ZCCHC2: variants seen among roughly 807,000 people sequenced by gnomAD.
ZCCHC2 encodes zinc finger CCHC-type containing 2, also known as zinc finger CCHC domain-containing protein 2.
In ZCCHC2, 39 loss-of-function variants were observed where a neutral mutation model predicts 103.6. The ratio of observed to expected loss-of-function variants is 0.38; its 90% CI spans 0.29 to 0.49. ZCCHC2 has a LOEUF of 0.49. ZCCHC2 is among the 20% of genes least tolerant of loss of function. The pLI, the probability that ZCCHC2 is intolerant of heterozygous loss-of-function variation, is 0.96. For synonymous variants in ZCCHC2, 687 were observed against 608.9 expected, an observed-to-expected ratio of 1.13 and a Z score of -1.89; for missense variants, 1,483 against 1,491.0, an observed-to-expected ratio of 0.99 and a Z score of 0.09.
chr18:62,585,370 C>T (rs1917143422), exon 15 of ZCCHC2: 1 of 152,174 alleles, frequency 6.6e-6, no homozygotes, highest in Non-Finnish European at 1.5e-5. Context: ...TATAGATTGT[C>T]CCAGGTACCC....
At chr18:62,548,261 TA>T (rs1409789386) in intron 4 of ZCCHC2, among the ~76,000 whole-genome samples, 58 of 152,062 alleles carry the variant, frequency 3.8e-4, no homozygotes, top group Admixed American at 1.2e-3. Flanking sequence ...TATATATATA[TA>T]TTTTTTTTAG....
intron 12 of ZCCHC2, among the ~76,000 whole-genome samples, chr18:62,571,841 C>T (rs757482832): frequency 6.6e-6 from 1 of 150,460 alleles, no homozygotes; most frequent in Non-Finnish European, 1.5e-5. Context: ...GTTGTGGTAT[C>T]ACGCTATGTC....
At chr18:62,537,840 G>A (rs754680203) in intron 1 of ZCCHC2, among the ~76,000 whole-genome samples, 1 of 152,118 alleles carries the variant, frequency 6.6e-6, no homozygotes, top group Non-Finnish European at 1.5e-5. Flanking sequence ...TTAATATTTT[G>A]AGGAACTGCC....
At chr18:62,527,199 C>G (rs73963439) in intron 1 of ZCCHC2, among the ~76,000 whole-genome samples, 139 of 152,196 alleles carry the variant, frequency 9.1e-4, no homozygotes, top group African/African-American at 3.1e-3. Flanking sequence ...TAAGGGTATA[C>G]TGGCCCAGAA....
intron 12 of ZCCHC2, among the ~76,000 whole-genome samples, chr18:62,571,462 G>A (rs1039052503): frequency 2.0e-5 from 3 of 152,188 alleles, no homozygotes; most frequent in Admixed American, 6.5e-5. Flanking sequence ...ATAAACACTC[G>A]TCAGAGTGCT....
chr18:62,529,381 G>A (rs1914586828), intron 1 of ZCCHC2, among the ~76,000 whole-genome samples: 1 of 152,160 alleles, frequency 6.6e-6, no homozygotes. Flanking sequence ...TTGTAGCATA[G>A]TGTCTGGTTC....
intron 12 of ZCCHC2, among the ~76,000 whole-genome samples, chr18:62,573,217 A>G (rs1034791191): frequency 6.6e-6 from 1 of 152,198 alleles, no homozygotes; most frequent in Non-Finnish European, 1.5e-5. Flanking sequence ...CTACATTTTA[A>G]TGGAATGGTC....
chr18:62,526,543 G>A (rs1451786133), intron 1 of ZCCHC2, among the ~76,000 whole-genome samples: 2 of 152,290 alleles, frequency 1.3e-5, no homozygotes, highest in East Asian at 1.9e-4. Flanking sequence ...TGTCACTCCA[G>A]AGGCCGCTGA....
intron 5 of ZCCHC2, among the ~76,000 whole-genome samples, chr18:62,554,068 A>T (rs1915777011): frequency 6.6e-6 from 1 of 152,184 alleles, no homozygotes; most frequent in Non-Finnish European, 1.5e-5. Context: ...CTTCCTTTTT[A>T]AAAAAATCTT....
At chr18:62,534,794 C>A (rs923175509) in intron 1 of ZCCHC2, among the ~76,000 whole-genome samples, 3 of 152,196 alleles carry the variant, frequency 2.0e-5, no homozygotes, top group Admixed American at 6.5e-5. Context: ...AAGAGGTCAT[C>A]CCTCATACAG....
intron 4 of ZCCHC2, among the ~76,000 whole-genome samples, chr18:62,548,658 C>T (rs1290106272): frequency 6.6e-6 from 1 of 152,206 alleles, no homozygotes; most frequent in Admixed American, 6.5e-5. Flanking sequence ...TGCAGTGGCT[C>T]ACGCCTGTAA....
intron 13 of ZCCHC2, among the ~76,000 whole-genome samples, chr18:62,575,917 G>T (rs1422389560): frequency 6.6e-6 from 1 of 151,750 alleles, no homozygotes; most frequent in African/African-American, 2.4e-5. Context: ...GAAAACCTAG[G>T]AAGTAATTTA....
intron 12 of ZCCHC2, among the ~76,000 whole-genome samples, chr18:62,573,189 A>C (rs1916658347): frequency 6.6e-6 from 1 of 152,192 alleles, no homozygotes; most frequent in Non-Finnish European, 1.5e-5. Context: ...TACAAGCAGA[A>C]AGATTTTTAA....
chr18:62,575,948 G>C (rs984243760), intron 13 of ZCCHC2, among the ~76,000 whole-genome samples: 4 of 151,374 alleles, frequency 2.6e-5, no homozygotes, highest in East Asian at 3.9e-4. Flanking sequence ...ATTAGGTTTT[G>C]AGTAACTATT....
intron 1 of ZCCHC2, among the ~76,000 whole-genome samples, chr18:62,538,981 G>T (rs937003694): frequency 9.0e-6 from 1 of 111,224 alleles, no homozygotes; most frequent in Non-Finnish European, 2.1e-5. Flanking sequence ...ACTGTCATAA[G>T]GCTATTTATT....
At chr18:62,579,683 C>G (rs966013805), downstream of ZCCHC2, among the ~76,000 whole-genome samples, 1 of 152,150 alleles carries the variant, frequency 6.6e-6, no homozygotes, top group South Asian at 2.1e-4. Flanking sequence ...CCCCTTCCCC[C>G]ACTACACTAA....
At position 62,524,098 on chromosome 18, in the gene ZCCHC2, G is replaced by GCGACGGCGAGCAGGACGC; in HGVS notation, c.678_695dup (p.Asp226_Ala231dup). On this transcript the variant is annotated inframe_insertion, in exon 1 of 14. Transcript: ENST00000269499. The stretch of plus-strand genomic sequence containing the variant: ...GCGGAGGACGAGCGCGGCGAGGACG[G>GCGACGGCGAGCAGGACGC]CGACGGCGAGCAGGACGCCGAGAAG... 1.3e-5 allele frequency: 19 copies of GCGACGGCGAGCAGGACGC among 1,519,980 alleles called. No homozygotes were observed. Among genetic ancestry groups the GCGACGGCGAGCAGGACGC allele is most frequent in the Non-Finnish European group, 1.5e-5 (17 of 1,139,276 alleles). 94.2% of individuals were successfully genotyped at this position (1,519,980 alleles called of 1,614,324 possible).
intron 1 of ZCCHC2, among the ~76,000 whole-genome samples, chr18:62,536,470 C>A (rs1355836171): frequency 6.6e-6 from 1 of 152,190 alleles, no homozygotes; most frequent in Non-Finnish European, 1.5e-5. Context: ...TCTGCATTTT[C>A]ATGGGAATCT....
intron 1 of ZCCHC2, chr18:62,525,424 G>A (rs543278857): frequency 5.9e-5 from 9 of 152,286 alleles, no homozygotes; most frequent in African/African-American, 1.7e-4. Context: ...TGTTGATTTG[G>A]ATGCCATGTT....
Sources: gnomAD v4.1 joint callset for allele counts (sites outside exome capture counted in the v4.1 genomes callset) on GRCh38, gnomAD v4.1.1 for gene constraint, MANE v1.5 for transcripts, NCBI Gene and HGNC (gene_info 2026-07-23, HGNC 2026-07-21) for gene names.